The following SDCBP variants were observed in gnomAD, a reference collection of about 807,000 sequenced individuals.
SDCBP encodes syndecan binding protein, also known as syntenin-1.
Under a neutral mutation model 30.5 loss-of-function variants are expected in SDCBP, and 22 were observed. The ratio of observed to expected loss-of-function variants is 0.72; its 90% CI spans 0.52 to 1.03. SDCBP has a LOEUF of 1.03. SDCBP is among the 50% of genes least tolerant of loss of function. SDCBP has a pLI of 0.00. For missense variants in SDCBP, 304 were observed against 369.9 expected, an observed-to-expected ratio of 0.82 and a Z score of 1.46; for synonymous variants, 103 against 118.7, an observed-to-expected ratio of 0.87 and a Z score of 0.86.
At position 58,568,237 on chromosome 8, in the gene SDCBP, A is replaced by G. The variant is rs996187856; in HGVS notation, c.52-2650A>G. On this transcript the variant is annotated intron_variant, in intron 2 of 8. Transcript: ENST00000260130. ...TATAAGCTTTTTTCCTATTTTTTAAATTTTTAGTTTTTAAAAATCGCTTGT... is the reference window on the plus strand; with the variant it reads ...TATAAGCTTTTTTCCTATTTTTTAAGTTTTTAGTTTTTAAAAATCGCTTGT... Among the ~76,000 whole-genome samples, 5 of 152,068 alleles carry G rather than the reference A, an allele frequency of 3.3e-5. No homozygotes were observed. The East Asian group carries it at 9.7e-4, about 29-fold the overall frequency.
intron 4 of SDCBP, among the ~76,000 whole-genome samples, chr8:58,573,006 C>T (rs1470678831): frequency 6.6e-6 from 1 of 151,884 alleles, no homozygotes; most frequent in African/African-American, 2.4e-5. Context: ...CCGGGTTTCA[C>T]CATGTTGGCC....
chr8:58,579,891 T>C, intron 7 of SDCBP, 97 bp downstream of exon 7: 1 of 1,177,428 alleles, frequency 8.5e-7, no homozygotes, highest in South Asian at 1.7e-5. Context: ...TTGACTTAGG[T>C]GGGAGATGGG....
Position 58,579,803 on chromosome 8 carries a change from C to A in SDCBP, c.750+9C>A. On this transcript the variant is annotated intron_variant, in intron 7 of 8. Coordinates refer to ENST00000260130, the MANE Select transcript of SDCBP (RefSeq NM_005625.4). ...ATGTCATTGGATTGAAGGTAAGGAA[C>A]AGACTTTGTGCCATGTTCTGCTGCA... is the stretch of plus-strand genomic sequence containing the variant. 1 of 1,582,324 alleles carries A rather than the reference C, an allele frequency of 6.3e-7. No homozygotes were observed. The highest frequency in any genetic ancestry group is 1.4e-5 in the African/African-American group (1 of 73,664).
At position 58,582,205 on chromosome 8, in the gene SDCBP, G is replaced by T; in HGVS notation, c.*465G>T. 6.4e-6 allele frequency: 1 copy of T among 155,532 alleles called. No individual in the cohort carries two copies. Among genetic ancestry groups the T allele is most frequent in the Admixed American group, 6.4e-5 (1 of 15,562 alleles). 9.6% of individuals were successfully genotyped at this position (155,532 alleles called of 1,614,324 possible). ...TTTTTTTTTTAAATTCTGTGTGTGT[G>T]TGTGTAAAATGCCAATTAAGAACAC... On this transcript the variant is annotated 3_prime_UTR_variant, in exon 9 of 9. Transcript: ENST00000260130.
At chr8:58,580,496 T>C in intron 7 of SDCBP, 21 bp from the exon 8 acceptor site, 1 of 1,267,456 alleles carries the variant, frequency 7.9e-7, no homozygotes, top group East Asian at 2.3e-5. Flanking sequence ...GGAATTAATT[T>C]TTAATATGTG....
At chr8:58,555,548 C>T (rs1161804315) in intron 1 of SDCBP, among the ~76,000 whole-genome samples, 1 of 152,092 alleles carries the variant, frequency 6.6e-6, no homozygotes, top group Admixed American at 6.5e-5. Context: ...TAAGTCCTTC[C>T]GTGAAATCTG....
At chr8:58,575,341 T>C (rs577853376) in intron 4 of SDCBP, among the ~76,000 whole-genome samples, 2 of 152,290 alleles carry the variant, frequency 1.3e-5, no homozygotes, top group African/African-American at 4.8e-5. Flanking sequence ...GTCCCTAATG[T>C]AGGTATTCTG....
Position 58,582,359 on chromosome 8 carries a change from A to G in SDCBP, c.*619A>G, listed in dbSNP as rs1287795284. ...CTTAACTATGTTAAGCATCTAGACT[A>G]AAAGCCAAAATATAATTATTGCTGC... On this transcript the variant is annotated 3_prime_UTR_variant, in exon 9 of 9. Coordinates refer to ENST00000260130, the MANE Select transcript of SDCBP (RefSeq NM_005625.4). 2 of 152,700 alleles carry G rather than the reference A, an allele frequency of 1.3e-5. No homozygotes were observed. The highest frequency in any genetic ancestry group is 4.8e-5 in the African/African-American group (2 of 41,458). 9.5% of individuals were successfully genotyped at this position (152,700 alleles called of 1,614,324 possible). A position where few individuals can be genotyped will look rare whatever the true frequency, so the allele number is the denominator to read the frequency against.
intron 8 of SDCBP, among the ~76,000 whole-genome samples, chr8:58,581,383 A>C (rs1032920006): frequency 6.6e-6 from 1 of 152,136 alleles, no homozygotes; most frequent in African/African-American, 2.4e-5. Flanking sequence ...CCTCTACCCC[A>C]ACTCATCACA....
chr8:58,557,125 A>C (rs1804168517), intron 1 of SDCBP, among the ~76,000 whole-genome samples: 1 of 120,540 alleles, frequency 8.3e-6, no homozygotes, highest in Non-Finnish European at 1.6e-5. Context: ...TATATACAAT[A>C]TAGTATATAT....
In SDCBP at chr8:58,570,919, T is replaced by C. The variant is rs1364966427; in HGVS notation, c.84T>C (p.Asn28=). 1 of 1,613,370 alleles carries C rather than the reference T, an allele frequency of 6.2e-7. No homozygotes were observed. The highest frequency in any genetic ancestry group is 1.3e-5 in the African/African-American group (1 of 74,924). Residue 28 remains asparagine, a synonymous_variant, in exon 3 of 9, where the codon AAT becomes AAC. Coordinates refer to ENST00000260130, the MANE Select transcript of SDCBP (RefSeq NM_005625.4). The part of the protein sequence containing the change: ...AQTAFSANPA[N]PAILSEASAP... ...CTGCTTTTTCTGCAAACCCTGCCAATCCAGCAATTTTGTCAGAAGCTTCTG... is the reference window on the plus strand; with the variant it reads ...CTGCTTTTTCTGCAAACCCTGCCAACCCAGCAATTTTGTCAGAAGCTTCTG...
intron 8 of SDCBP, among the ~76,000 whole-genome samples, chr8:58,580,960 G>A (rs561622310): frequency 2.6e-5 from 4 of 152,146 alleles, no homozygotes; most frequent in East Asian, 1.9e-4. Flanking sequence ...GTGGTGGTTC[G>A]TAATGGAGAA....
chr8:58,557,207 TA>T (rs1173331632), intron 1 of SDCBP, among the ~76,000 whole-genome samples: 1 of 127,380 alleles, frequency 7.9e-6, no homozygotes, highest in Non-Finnish European at 1.5e-5. Context: ...ATATTAATAT[TA>T]TATTATTTAT....
intron 1 of SDCBP, chr8:58,560,137 G>C (rs1469892476): frequency 6.6e-6 from 1 of 152,394 alleles, no homozygotes; most frequent in Non-Finnish European, 1.5e-5. Flanking sequence ...CATGAAACCA[G>C]CAGGAGAAAA....
intron 1 of SDCBP, among the ~76,000 whole-genome samples, chr8:58,559,185 A>G (rs1218781279): frequency 6.6e-6 from 1 of 152,202 alleles, no homozygotes; most frequent in Non-Finnish European, 1.5e-5. Flanking sequence ...TTGAAGAGAA[A>G]CTTCTATGGA....
At chr8:58,577,688 C>T (rs903889610) in intron 5 of SDCBP, among the ~76,000 whole-genome samples, 19 of 152,114 alleles carry the variant, frequency 1.2e-4, no homozygotes, top group Admixed American at 5.2e-4. Context: ...CAGACTCAGA[C>T]GCTTGCATTT....
intron 1 of SDCBP, among the ~76,000 whole-genome samples, chr8:58,558,815 G>A (rs76622977): frequency 0.011 from 1,661 of 152,228 alleles, 42 homozygotes; most frequent in African/African-American, 0.038. Context: ...GAGAAGTCCT[G>A]GAAGGACATT....
In SDCBP at chr8:58,576,013, T is replaced by C; in HGVS notation, c.354T>C (p.Cys118=). The C allele has an allele frequency of 6.2e-7, 1 of 1,613,762 alleles. No homozygotes were observed. The highest frequency in any genetic ancestry group is 1.1e-5 in the South Asian group (1 of 91,072). ...AAGGGATTCGTGAAGTCATTTTGTG[T>C]AAGGATCAAGATGGAAAAATTGGAC... ...IKQGIREVIL[C]KDQDGKIGLR... The change falls in exon 5 of 9, where the codon TGT becomes TGC. Residue 118 remains cysteine (C), a synonymous_variant. Transcript: ENST00000260130.
chr8:58,577,418 GTATTTAT>G (rs1305218190), intron 5 of SDCBP, among the ~76,000 whole-genome samples: 1 of 152,146 alleles, frequency 6.6e-6, no homozygotes, highest in Non-Finnish European at 1.5e-5. Context: ...TGAGTTTTCT[GTATTTAT>G]TTCATTGTGT....
Sources: allele counts gnomAD v4.1 joint callset (sites outside exome capture counted in the v4.1 genomes callset), GRCh38; gene constraint gnomAD v4.1.1; transcripts MANE v1.5; gene names NCBI Gene and HGNC (gene_info 2026-07-23, HGNC 2026-07-21).